Variants in HMCN2 observed in about 807,000 individuals in gnomAD.
HMCN2 encodes the protein hemicentin 2, also known as hemicentin-2.
A neutral mutation model predicts 377.5 loss-of-function variants in HMCN2; 325 were observed. That is an observed-to-expected ratio of 0.86 (90% CI 0.79 to 0.94). The LOEUF (loss-of-function observed/expected upper bound fraction) is 0.94. Among genes scored for constraint, HMCN2 ranks in the 40% least tolerant of loss-of-function variants. The pLI is 0.00. For missense variants in HMCN2, 4,543 were observed against 4,725.3 expected, an observed-to-expected ratio of 0.96 and a Z score of 1.13; for synonymous variants, 2,007 against 2,046.8, an observed-to-expected ratio of 0.98 and a Z score of 0.53.
rs563400797 is a variant in HMCN2, at chr9:130,351,101, G to A, written c.4431-322G>A. 6.6e-6 allele frequency among the ~76,000 whole-genome samples: 1 copy of A among 152,158 alleles called. No homozygotes were observed. Among genetic ancestry groups the A allele is most frequent in the African/African-American group, 2.4e-5 (1 of 41,414 alleles). ...CCTTCTCTATGGACGTGCCTGTTCT[G>A]GGTACTTCACATCACTGGCATCATA... On this transcript the variant is annotated intron_variant, in intron 29 of 97. Coordinates refer to ENST00000683500, the MANE Select transcript of HMCN2 (RefSeq NM_001291815.2). This position sits in a 1 kb window ranked among gnomAD's most constrained non-coding sequence, Gnocchi z 5.4.
intron 4 of HMCN2, among the ~76,000 whole-genome samples, chr9:130,289,562 C>A (rs1835627264): frequency 6.6e-6 from 1 of 152,124 alleles, no homozygotes; most frequent in Non-Finnish European, 1.5e-5. Flanking sequence ...GCCACACTTT[C>A]TTCTTGTGTG....
intron 95 of HMCN2, chr9:130,431,111 A>C: frequency 1.8e-6 from 1 of 560,008 alleles, no homozygotes; most frequent in Non-Finnish European, 3.2e-6. Flanking sequence ...GCCTGGACGG[A>C]GGGGTCTGCG....
intron 23 of HMCN2, among the ~76,000 whole-genome samples, chr9:130,340,238 T>C (rs74210805): frequency 0.4 from 60,390 of 152,194 alleles, 12,641 homozygotes; most frequent in East Asian, 0.55. Context: ...GCAGCGGTGA[T>C]GCCCAGCTGG....
At chr9:130,334,131 G>A (rs1193723394) in intron 22 of HMCN2, among the ~76,000 whole-genome samples, 1 of 152,236 alleles carries the variant, frequency 6.6e-6, no homozygotes, top group African/African-American at 2.4e-5. Flanking sequence ...GTGCAGGTGT[G>A]TCCCAGGTAG....
chr9:130,328,746 C>T (rs1387565487), intron 22 of HMCN2, among the ~76,000 whole-genome samples: 2 of 152,308 alleles, frequency 1.3e-5, no homozygotes, highest in African/African-American at 2.4e-5. Flanking sequence ...CTCGGGTGGC[C>T]ACTGGCTCCT....
intron 45 of HMCN2, among the ~76,000 whole-genome samples, chr9:130,370,438 G>C (rs1160184388): frequency 6.6e-6 from 1 of 152,080 alleles, no homozygotes; most frequent in Non-Finnish European, 1.5e-5. Flanking sequence ...GGTGGGAGAG[G>C]TGGGCGGGGA....
chr9:130,414,646 CTG>C lies in HMCN2; in HGVS notation c.12961+3996_12961+3997del, dbSNP rs1298799907. Reference sequence around the variant, plus strand: ...TTTTTTTTTAAGACAAGGTCTGACTCTGTTGCCCAGGCTGGAGTGCAGTGACA... The same window carrying C: ...TTTTTTTTTAAGACAAGGTCTGACTCTTGCCCAGGCTGGAGTGCAGTGACA... On this transcript the variant is annotated intron_variant, in intron 85 of 97. Coordinates refer to ENST00000683500, the MANE Select transcript of HMCN2 (RefSeq NM_001291815.2). This position sits in a 1 kb window ranked among gnomAD's most constrained non-coding sequence, Gnocchi z 4.4. Among the ~76,000 whole-genome samples, 3 of 149,530 alleles carry C rather than the reference CTG, an allele frequency of 2.0e-5. No individual in the cohort carries two copies. The highest frequency in any genetic ancestry group is 1.3e-4 in the Admixed American group (2 of 15,008).
chr9:130,365,634 G>A lies in HMCN2; in HGVS notation c.6412G>A (p.Asp2138Asn). Reference sequence around the variant, plus strand: ...GGGTGTCTTTGCTCTCTGCCAGGTGGACAGAGCCGATGTGTGGGATGCGGG... The same window carrying A: ...GGGTGTCTTTGCTCTCTGCCAGGTGAACAGAGCCGATGTGTGGGATGCGGG... Reference protein sequence around the residue: ...LSADKALLQVDRADVWDAGHY... With the variant: ...LSADKALLQVNRADVWDAGHY... Residue 2138 changes from aspartate (D) to asparagine (N), a missense_variant, in exon 42 of 98, where the codon GAC becomes AAC. This residue lies in a region of HMCN2 where 1,032 missense variants were observed against 1,285.1 expected (regional missense o/e 0.80). Coordinates refer to ENST00000683500, the MANE Select transcript of HMCN2 (RefSeq NM_001291815.2). 1 of 986,050 alleles carries A rather than the reference G, an allele frequency of 1.0e-6. No homozygotes were observed. The highest frequency in any genetic ancestry group is 1.2e-6 in the Non-Finnish European group (1 of 830,054). The allele number at this position is 986,050 out of a possible 1,614,324, so 61.1% of individuals were successfully genotyped here. A position where few individuals can be genotyped will look rare whatever the true frequency, so the allele number is the denominator to read the frequency against.
At chr9:130,355,142 G>A in intron 32 of HMCN2, 98 bp downstream of exon 32, 1 of 1,028,422 alleles carries the variant, frequency 9.7e-7, no homozygotes, top group South Asian at 1.6e-5. Flanking sequence ...AGTGGAGGGA[G>A]GGTGGGGAGA....
chr9:130,433,011 C>T, intron 97 of HMCN2: 1 of 390,354 alleles, frequency 2.6e-6, no homozygotes, highest in South Asian at 6.1e-5. Flanking sequence ...CCACCTCCAA[C>T]CCCGCCCCCG....
intron 43 of HMCN2, 65 bp from the exon 44 acceptor site, chr9:130,368,211 A>T (rs1840800119): frequency 1.0e-6 from 1 of 952,876 alleles, no homozygotes; most frequent in South Asian, 4.8e-5. Context: ...CAAACTTTCC[A>T]TGTGGAAAGA....
chr9:130,384,429 A>G lies in HMCN2; in HGVS notation c.8887A>G (p.Ser2963Gly), dbSNP rs774835057. The change falls in exon 58 of 98, where the codon AGC becomes GGC. Residue 2963 changes from serine to glycine, a missense_variant. Ser to Gly is a moderately conservative substitution (Grantham distance 56). Coordinates refer to ENST00000683500, the MANE Select transcript of HMCN2 (RefSeq NM_001291815.2). ...LEQVTAILNS[S>G]VSLPCDVHAH... ...GCAGGTCACTGCCATCCTCAACAGCAGCGTCTCCCTCCCTTGCGACGTCCA... is the reference window on the plus strand; with the variant it reads ...GCAGGTCACTGCCATCCTCAACAGCGGCGTCTCCCTCCCTTGCGACGTCCA... 7.7e-7 allele frequency: 1 copy of G among 1,303,960 alleles called. No homozygotes were observed. Among genetic ancestry groups the G allele is most frequent in the Non-Finnish European group, 1.0e-6 (1 of 988,938 alleles). The allele number at this position is 1,303,960 out of a possible 1,614,324, so 80.8% of individuals were successfully genotyped here. A position where few individuals can be genotyped will look rare whatever the true frequency, so the allele number is the denominator to read the frequency against.
intron 43 of HMCN2, among the ~76,000 whole-genome samples, chr9:130,367,399 C>G (rs1432523937): frequency 6.6e-6 from 1 of 152,126 alleles, no homozygotes; most frequent in East Asian, 1.9e-4. Flanking sequence ...ACTGGGTCTG[C>G]TTCCCTGATG....
At chr9:130,280,965 T>C (rs1835085137) in intron 1 of HMCN2, among the ~76,000 whole-genome samples, 1 of 151,778 alleles carries the variant, frequency 6.6e-6, no homozygotes, top group Non-Finnish European at 1.5e-5. Context: ...TAGCCGAGCA[T>C]GGTGACAGGC....
At chr9:130,355,607 C>A (rs758565557) in intron 32 of HMCN2, 139 bp from the exon 33 acceptor site, 7 of 459,570 alleles carry the variant, frequency 1.5e-5, no homozygotes, top group Non-Finnish European at 2.9e-5. Context: ...TGGAAGGCCT[C>A]CTGGAGGAAG....
rs11244238 is a variant in HMCN2 at position 130,412,972 on chromosome 9, T to G, written c.12961+2320T>G. 6.6e-5 allele frequency among the ~76,000 whole-genome samples: 10 copies of G among 152,122 alleles called. No homozygotes were observed. The South Asian group carries it at 1.2e-3, about 19-fold the overall frequency. ...TGGGGTAAGGGTCTAACTTCCTTTT[T>G]TGCATACGGATAGCCAATTGTTCCA... On this transcript the variant is annotated intron_variant, in intron 85 of 97. Transcript: ENST00000683500.
intron 19 of HMCN2, among the ~76,000 whole-genome samples, chr9:130,323,699 T>TA (rs1246625804): frequency 9.2e-5 from 14 of 152,228 alleles, no homozygotes; most frequent in African/African-American, 3.4e-4. Context: ...GCTTTTTTTT[T>TA]TTTTATTTTA....
intron 4 of HMCN2, among the ~76,000 whole-genome samples, chr9:130,290,743 A>C (rs1428235406): frequency 6.6e-6 from 1 of 152,190 alleles, no homozygotes; most frequent in Non-Finnish European, 1.5e-5. Context: ...TAGGCAAGAC[A>C]CAACAATGAA....
intron 46 of HMCN2, 27 bp from the exon 47 acceptor site, chr9:130,372,267 T>G: frequency 2.2e-6 from 2 of 921,514 alleles, no homozygotes; most frequent in Non-Finnish European, 2.6e-6. Context: ...AGAGCCATGC[T>G]TGGGGCCCAC....
Sources: allele counts gnomAD v4.1 joint callset (sites outside exome capture counted in the v4.1 genomes callset), GRCh38; gene constraint gnomAD v4.1.1; regional missense constraint gnomAD v4.1.1; non-coding constraint Gnocchi (gnomAD v3.1); transcripts MANE v1.5; gene names NCBI Gene and HGNC (gene_info 2026-07-23, HGNC 2026-07-21).